RAB5C: variants seen among roughly 807,000 people sequenced by gnomAD.
RAB5C encodes the protein ras-related protein Rab-5C.
RAB5C carries 4 observed loss-of-function variants against 25.2 expected under a neutral mutation model. The ratio of observed to expected loss-of-function variants is 0.16; its 90% CI spans 0.08 to 0.36. The LOEUF (loss-of-function observed/expected upper bound fraction) is 0.36. Among genes scored for constraint, RAB5C ranks in the 10% least tolerant of loss-of-function variants. RAB5C has a pLI of 1.00. For missense variants in RAB5C, 199 were observed against 283.8 expected (o/e 0.70, Z 2.15); for synonymous variants, 100 against 106.4 (o/e 0.94, Z 0.37).
chr17:42,145,336 TAC>T, intron 1 of RAB5C, among the ~76,000 whole-genome samples: 1 of 152,234 alleles, frequency 6.6e-6, no homozygotes, highest in South Asian at 2.1e-4. Context: ...AGAACAACTT[TAC>T]AGAGAAGCCT....
rs758947935 is a variant in RAB5C at position 42,128,323 on chromosome 17, T to C, written c.379A>G (p.Ile127Val). The part of the protein sequence containing the change: ...KELQRQASPN[I>V]VIALAGNKAD... ...TTGTTACCCGCGAGTGCAATGACGA[T>C]GTTGGGGCTGGCCTGCCTCTGTAGC... Residue 127 changes from isoleucine (I) to valine (V), a missense_variant, in exon 4 of 6, where the codon ATC becomes GTC. This residue lies in a region of RAB5C where 154 missense variants were observed against 199.6 expected (regional missense o/e 0.77). Transcript: ENST00000346213. 1 of 1,614,140 alleles carries C rather than the reference T, an allele frequency of 6.2e-7. No individual in the cohort carries two copies. The highest frequency in any genetic ancestry group is 8.5e-7 in the Non-Finnish European group (1 of 1,179,996).
intron 2 of RAB5C, among the ~76,000 whole-genome samples, chr17:42,129,569 G>A (rs562336134): frequency 6.6e-6 from 1 of 152,238 alleles, no homozygotes; most frequent in East Asian, 1.9e-4. Flanking sequence ...GGACAGCCAT[G>A]TGTAGAAGGC....
intron 2 of RAB5C, chr17:42,130,108 G>GGGAA (rs2054469242): frequency 1.8e-6 from 1 of 568,318 alleles, no homozygotes; most frequent in African/African-American, 1.9e-5. Flanking sequence ...GAAACAGGAT[G>GGGAA]GGAAGCTAGC....
chr17:42,141,035 C>T (rs762580941), intron 1 of RAB5C, among the ~76,000 whole-genome samples: 144 of 151,966 alleles, frequency 9.5e-4, no homozygotes, highest in Non-Finnish European at 1.5e-3. Flanking sequence ...CACCATGTTG[C>T]CCAGGCTGAT....
In RAB5C at chr17:42,150,544, C is replaced by CAAA. The variant is rs759878778; in HGVS notation, c.-89+4346_-89+4348dup. Among the ~76,000 whole-genome samples the CAAA allele has an allele frequency of 5.7e-3, 111 of 19,378 alleles. 26 individuals are homozygous for CAAA. Among genetic ancestry groups the CAAA allele is most frequent in the African/African-American group, 0.018 (76 of 4,224 alleles). The allele number at this position is 19,378 out of a possible 152,430, so 12.7% of individuals were successfully genotyped here. ...GGGAGACAAGAGTGAAACTCCATCT[C>CAAA]AAAAAAAAAAAAAAAAAAAAAAAAA... On this transcript the variant is annotated intron_variant, in intron 1 of 5. Transcript: ENST00000346213.
intron 1 of RAB5C, among the ~76,000 whole-genome samples, chr17:42,135,522 A>G (rs2054527979): frequency 6.6e-6 from 1 of 152,176 alleles, no homozygotes; most frequent in African/African-American, 2.4e-5. Context: ...TGATCGAAGC[A>G]CAAGAGCTAC....
chr17:42,148,918 G>A (rs1337655502), intron 1 of RAB5C, among the ~76,000 whole-genome samples: 2 of 152,144 alleles, frequency 1.3e-5, no homozygotes, highest in African/African-American at 4.8e-5. Flanking sequence ...CTACCTCCTG[G>A]GGTTGTCGGA....
chr17:42,142,461 A>T (rs2079609067), intron 1 of RAB5C, among the ~76,000 whole-genome samples: 2 of 152,236 alleles, frequency 1.3e-5, no homozygotes, highest in African/African-American at 4.8e-5. Flanking sequence ...AAGAAAGCAG[A>T]GTTCCTTTTA....
chr17:42,129,865 TCAA>T (rs1204830996), intron 2 of RAB5C, among the ~76,000 whole-genome samples: 1 of 152,090 alleles, frequency 6.6e-6, no homozygotes, highest in Non-Finnish European at 1.5e-5. Flanking sequence ...CACTGGAAAA[TCAA>T]CAACAGGCTG....
intron 4 of RAB5C, 130 bp downstream of exon 4, chr17:42,128,131 G>T: frequency 3.0e-6 from 4 of 1,341,540 alleles, no homozygotes; most frequent in Non-Finnish European, 4.0e-6. Flanking sequence ...CCTGAGGCAC[G>T]AGAGGACAGC....
At chr17:42,153,427 A>G (rs1417703759) in intron 1 of RAB5C, among the ~76,000 whole-genome samples, 1 of 152,120 alleles carries the variant, frequency 6.6e-6, no homozygotes, top group Admixed American at 6.6e-5. Flanking sequence ...AAAAACAAAC[A>G]AACAAAAAAG....
At position 42,131,769 on chromosome 17, in the gene RAB5C, TTTTTG is replaced by T. The variant is rs199629435; in HGVS notation, c.-88-1184_-88-1180del. The T allele has an allele frequency of 1.2e-5, 8 of 670,154 alleles. No homozygotes were observed. In the East Asian group the frequency reaches 2.0e-4, roughly 17 times the overall value. The allele number at this position is 670,154 out of a possible 1,614,324, so 41.5% of individuals were successfully genotyped here. On this transcript the variant is annotated intron_variant, in intron 1 of 5. Coordinates refer to ENST00000346213, the MANE Select transcript of RAB5C (RefSeq NM_004583.4). ...ACAGCTTCAGAGGCTCAACTTTTTG[TTTTTG>T]TTAAGTTTTGGAATTGCAGACACAT... is the stretch of plus-strand genomic sequence containing the variant.
intron 4 of RAB5C, 62 bp downstream of exon 4, chr17:42,128,199 C>T: frequency 6.4e-7 from 1 of 1,565,262 alleles, no homozygotes; most frequent in Non-Finnish European, 8.7e-7. Context: ...CCTGAGCATC[C>T]CAGGCGAGGC....
chr17:42,154,120 A>C (rs1280638242), intron 1 of RAB5C, among the ~76,000 whole-genome samples: 1 of 152,190 alleles, frequency 6.6e-6, no homozygotes, highest in Non-Finnish European at 1.5e-5. Context: ...CTGGGAGGAC[A>C]GAGCTGAGCC....
chr17:42,150,673 C>T (rs2079665222), intron 1 of RAB5C, among the ~76,000 whole-genome samples: 1 of 150,876 alleles, frequency 6.6e-6, no homozygotes, highest in Non-Finnish European at 1.5e-5. Flanking sequence ...TGAGACCAGC[C>T]TGGCCAACAT....
At chr17:42,150,405 A>G (rs957407321) in intron 1 of RAB5C, among the ~76,000 whole-genome samples, 12 of 150,596 alleles carry the variant, frequency 8.0e-5, no homozygotes, top group Non-Finnish European at 1.5e-4. Flanking sequence ...TTAGCTGGGC[A>G]TGGTGGCACA....
At chr17:42,149,937 G>A (rs1457455543) in intron 1 of RAB5C, among the ~76,000 whole-genome samples, 3 of 147,828 alleles carry the variant, frequency 2.0e-5, no homozygotes, top group Non-Finnish European at 4.4e-5. Flanking sequence ...GGAGTGCAGT[G>A]GTGCAATCTC....
intron 1 of RAB5C, among the ~76,000 whole-genome samples, chr17:42,151,293 C>T (rs1431203628): frequency 1.3e-5 from 2 of 152,190 alleles, no homozygotes; most frequent in African/African-American, 2.4e-5. Flanking sequence ...AACAATTAGC[C>T]GGACGTGGTG....
In RAB5C at chr17:42,125,825, C is replaced by T; in HGVS notation, c.609G>A (p.Gln203=). The T allele has an allele frequency of 6.2e-7, 1 of 1,611,056 alleles. No individual in the cohort carries two copies. Among genetic ancestry groups the T allele is most frequent in the Non-Finnish European group, 8.5e-7 (1 of 1,178,974 alleles). Residue 203 remains glutamine (Q), a synonymous_variant, in exon 6 of 6, where the codon CAG becomes CAA. Coordinates refer to ENST00000346213, the MANE Select transcript of RAB5C (RefSeq NM_004583.4). ...GGCTCCGGCTGGCTGGGTTGTTCTCCTGGAGGTCCACACCTCGGTTTCGGC... is the reference window on the plus strand; with the variant it reads ...GGCTCCGGCTGGCTGGGTTGTTCTCTTGGAGGTCCACACCTCGGTTTCGGC... ...APGRNRGVDL[Q]ENNPASRSQC...
Sources: allele counts gnomAD v4.1 joint callset (sites outside exome capture counted in the v4.1 genomes callset), GRCh38; gene constraint gnomAD v4.1.1; regional missense constraint gnomAD v4.1.1; transcripts MANE v1.5; gene names NCBI Gene and HGNC (gene_info 2026-07-23, HGNC 2026-07-21).